SLC30A4: variants seen among roughly 807,000 people sequenced by gnomAD.
The protein encoded by SLC30A4 is probable proton-coupled zinc antiporter SLC30A4.
In SLC30A4, 20 loss-of-function variants were observed where a neutral mutation model predicts 41.7. The ratio of observed to expected loss-of-function variants is 0.48; its 90% CI spans 0.34 to 0.70. The LOEUF (loss-of-function observed/expected upper bound fraction) is 0.70. SLC30A4 is among the 30% of genes least tolerant of loss of function. The probability of loss-of-function intolerance (pLI) is 0.01; values close to 1 mark genes in which losing one functional copy is unlikely to be tolerated. For missense variants in SLC30A4, 441 were observed against 529.3 expected, an observed-to-expected ratio of 0.83 and a Z score of 1.64; for synonymous variants, 181 against 195.9, an observed-to-expected ratio of 0.92 and a Z score of 0.64.
intron 3 of SLC30A4, among the ~76,000 whole-genome samples, chr15:45,494,184 G>T (rs1891863539): frequency 6.6e-6 from 1 of 152,092 alleles, no homozygotes; most frequent in African/African-American, 2.4e-5. Context: ...TTTTTAGAAT[G>T]AAATTAGTCA....
Position 45,522,011 on chromosome 15 carries a change from G to C in SLC30A4, c.344C>G (p.Thr115Ser). The C allele has an allele frequency of 1.9e-6, 3 of 1,614,214 alleles. No individual in the cohort carries two copies. Among genetic ancestry groups the C allele is most frequent in the Non-Finnish European group, 2.5e-6 (3 of 1,180,030 alleles). Reference sequence around the variant, plus strand: ...AAGCAAGTACAGAACGGCAGCAATGGTCAACCTGGCTTTCACCTTTCTCTG... The same window carrying C: ...AAGCAAGTACAGAACGGCAGCAATGCTCAACCTGGCTTTCACCTTTCTCTG... ...LKQRKVKARLTIAAVLYLLFM... is the reference protein window; with the variant it reads ...LKQRKVKARLSIAAVLYLLFM... Residue 115 changes from threonine to serine, a missense_variant, in exon 2 of 8, where the codon ACC (threonine) becomes AGC (serine). Coordinates refer to ENST00000261867, the MANE Select transcript of SLC30A4 (RefSeq NM_013309.6).
chr15:45,490,957 G>A, intron 3 of SLC30A4, 76 bp from the exon 4 acceptor site: 1 of 957,394 alleles, frequency 1.0e-6, no homozygotes, highest in African/African-American at 1.7e-5. Context: ...ATATTATATA[G>A]TCTTTTTTAT....
chr15:45,518,918 A>T (rs775559255), intron 2 of SLC30A4, among the ~76,000 whole-genome samples: 4 of 151,422 alleles, frequency 2.6e-5, no homozygotes, highest in Non-Finnish European at 5.9e-5. Context: ...ACACCTGGCC[A>T]AATTGCTTCA....
intron 3 of SLC30A4, among the ~76,000 whole-genome samples, chr15:45,505,206 G>C (rs1332576885): frequency 6.8e-6 from 1 of 147,718 alleles, no homozygotes; most frequent in East Asian, 2.0e-4. Context: ...ACTCCAGCGT[G>C]GGCAACAAGA....
chr15:45,503,894 T>G (rs1892095280), intron 3 of SLC30A4, among the ~76,000 whole-genome samples: 1 of 151,122 alleles, frequency 6.6e-6, no homozygotes, highest in Non-Finnish European at 1.5e-5. Context: ...TGCGGTGAGC[T>G]GAGATCGTGC....
intron 3 of SLC30A4, among the ~76,000 whole-genome samples, chr15:45,504,876 G>T (rs1892115297): frequency 6.6e-6 from 1 of 152,110 alleles, no homozygotes; most frequent in Non-Finnish European, 1.5e-5. Context: ...TGGTCTCAGG[G>T]TCTGTTCTCT....
chr15:45,507,254 A>C (rs1156274832), intron 3 of SLC30A4, among the ~76,000 whole-genome samples: 2 of 151,450 alleles, frequency 1.3e-5, no homozygotes, highest in Non-Finnish European at 2.9e-5. Context: ...TGGGAAGTGG[A>C]GGTTGCAGTA....
intron 2 of SLC30A4, among the ~76,000 whole-genome samples, chr15:45,518,588 A>T (rs944163744): frequency 2.0e-5 from 3 of 152,064 alleles, no homozygotes; most frequent in Non-Finnish European, 4.4e-5. Context: ...TTTTTGAGAG[A>T]GTCTCACTCT....
chr15:45,500,657 TATC>T (rs1225704249), intron 3 of SLC30A4, among the ~76,000 whole-genome samples: 4 of 145,944 alleles, frequency 2.7e-5, no homozygotes, highest in African/African-American at 9.9e-5. Context: ...TCTATCTATC[TATC>T]TATATGTTTT....
At chr15:45,502,918 C>T (rs1892069737) in intron 3 of SLC30A4, 1 of 151,316 alleles carries the variant, frequency 6.6e-6, no homozygotes, top group South Asian at 2.1e-4. Flanking sequence ...TTCTAGAGCT[C>T]AGGAGTTCGA....
chr15:45,501,807 C>G (rs903828960), intron 3 of SLC30A4, among the ~76,000 whole-genome samples: 4 of 152,120 alleles, frequency 2.6e-5, no homozygotes, highest in Non-Finnish European at 4.4e-5. Context: ...ACCTATCCAA[C>G]AATTAGTGCC....
chr15:45,522,453 C>T lies in SLC30A4; in HGVS notation c.-99G>A. ...GCGCCAGTTCTCGAGGGCAGTGCCGCGCGTCCCTCCCCATCCTGTGGAAAA... is the reference window on the plus strand; with the variant it reads ...GCGCCAGTTCTCGAGGGCAGTGCCGTGCGTCCCTCCCCATCCTGTGGAAAA... On this transcript the variant is annotated 5_prime_UTR_variant, in exon 2 of 8. Transcript: ENST00000261867. 1 of 1,133,914 alleles carries T rather than the reference C, an allele frequency of 8.8e-7. No homozygotes were observed. Among genetic ancestry groups the T allele is most frequent in the South Asian group, 1.6e-5 (1 of 63,522 alleles). The allele number at this position is 1,133,914 out of a possible 1,614,324, so 70.2% of individuals were successfully genotyped here. A position where few individuals can be genotyped will look rare whatever the true frequency, so the allele number is the denominator to read the frequency against.
chr15:45,505,284 C>T (rs1229820437), intron 3 of SLC30A4, among the ~76,000 whole-genome samples: 1 of 145,288 alleles, frequency 6.9e-6, no homozygotes, highest in Non-Finnish European at 1.5e-5. Flanking sequence ...AGGCTACAAT[C>T]AATAGTCCAT....
chr15:45,486,176 C>A (rs779556920), intron 7 of SLC30A4, among the ~76,000 whole-genome samples: 10 of 151,624 alleles, frequency 6.6e-5, no homozygotes, highest in Non-Finnish European at 1.0e-4. Context: ...GCATGCACCA[C>A]CACGCCTAGC....
At chr15:45,518,464 C>T (rs1892560417) in intron 2 of SLC30A4, among the ~76,000 whole-genome samples, 1 of 152,198 alleles carries the variant, frequency 6.6e-6, no homozygotes, top group Non-Finnish European at 1.5e-5. Flanking sequence ...TCAAAATACA[C>T]TTCCAAAGAG....
Position 45,522,230 on chromosome 15 carries a change from C to G in SLC30A4, c.125G>C (p.Arg42Pro). 6.2e-7 allele frequency: 1 copy of G among 1,614,218 alleles called. No individual in the cohort carries two copies. Among genetic ancestry groups the G allele is most frequent in the Non-Finnish European group, 8.5e-7 (1 of 1,180,050 alleles). The part of the protein sequence containing the change: ...SDEAGDEGLS[R>P]FNKLRVVVAD... ...CACCACAACTCGAAGTTTGTTGAAC[C>G]GAGAAAGCCCCTCGTCCCCCGCCTC... Residue 42 changes from arginine to proline, a missense_variant, in exon 2 of 8, where the codon CGG (arginine) becomes CCG (proline). Physicochemically the swap from Arg to Pro is moderately radical, Grantham distance 103. Transcript: ENST00000261867.
In SLC30A4 at chr15:45,484,842, C is replaced by T. The variant is rs933632589; in HGVS notation, c.*321G>A. ...TATTTTTAAATGCAAATATTGAATT[C>T]TTGATGCTTCCTTTAAGACACGTAC... On this transcript the variant is annotated 3_prime_UTR_variant, in exon 8 of 8. Coordinates refer to ENST00000261867, the MANE Select transcript of SLC30A4 (RefSeq NM_013309.6). 12 of 223,406 alleles carry T rather than the reference C, an allele frequency of 5.4e-5. No homozygotes were observed. Among genetic ancestry groups the T allele is most frequent in the Non-Finnish European group, 9.6e-5 (11 of 115,064 alleles). 13.8% of individuals were successfully genotyped at this position (223,406 alleles called of 1,614,324 possible).
intron 3 of SLC30A4, among the ~76,000 whole-genome samples, chr15:45,505,449 A>C (rs953610936): frequency 6.6e-6 from 1 of 152,176 alleles, no homozygotes; most frequent in Non-Finnish European, 1.5e-5. Context: ...TCAGTGTAGA[A>C]GAAATTCCCA....
chr15:45,521,852 T>A, intron 2 of SLC30A4, 112 bp downstream of exon 2: 1 of 1,110,086 alleles, frequency 9.0e-7, no homozygotes, highest in East Asian at 2.5e-5. Context: ...AGTGTCTTGA[T>A]AAATACAAAC....
Sources: gnomAD v4.1 joint callset for allele counts (sites outside exome capture counted in the v4.1 genomes callset) on GRCh38, gnomAD v4.1.1 for gene constraint, MANE v1.5 for transcripts, NCBI Gene and HGNC (gene_info 2026-07-23, HGNC 2026-07-21) for gene names.